B4GALT6: variants seen among roughly 807,000 people sequenced by gnomAD.
B4GALT6 encodes UDP-Gal:beta-GlcNAc beta-1,4-galactosyltransferase 6.
B4GALT6 carries 14 observed loss-of-function variants against 46.3 expected under a neutral mutation model. The observed-to-expected ratio is 0.30, with a 90% CI of 0.20 to 0.47. B4GALT6 has a LOEUF of 0.47. Ranked by LOEUF, B4GALT6 falls within the 20% of genes least tolerant of loss-of-function variation. B4GALT6 has a pLI of 0.99. For missense variants in B4GALT6, 386 were observed against 480.1 expected (o/e 0.80, Z 1.83); for synonymous variants, 168 against 162.0 (o/e 1.04, Z -0.28).
intron 1 of B4GALT6, among the ~76,000 whole-genome samples, chr18:31,673,999 C>T (rs1240403410): frequency 6.6e-6 from 1 of 152,026 alleles, no homozygotes; most frequent in Admixed American, 6.6e-5. Flanking sequence ...CCACCAGGCA[C>T]CTGAAGCTGG....
At chr18:31,701,146 A>T in the B4GALT6 span, among the ~76,000 whole-genome samples, 1 of 152,190 alleles carries the variant, frequency 6.6e-6, no homozygotes, top group Non-Finnish European at 1.5e-5. Context: ...TTGGAGGTGG[A>T]GCCTAGTGAG....
rs776163448 is a variant in B4GALT6, at chr18:31,684,472, C to T, written c.-46G>A. 1 of 1,597,446 alleles carries T rather than the reference C, an allele frequency of 6.3e-7. No homozygotes were observed. The highest frequency in any genetic ancestry group is 1.7e-4 in the Middle Eastern group (1 of 5,722). ...GCCCAGGCTGCGCTCTCAGGCCGGA[C>T]TCGGGGCCACTGTCCAGGCCCTAAA... is the stretch of plus-strand genomic sequence containing the variant. On this transcript the variant is annotated 5_prime_UTR_variant, in exon 1 of 9. Transcript: ENST00000306851.
rs934296054 is a variant in B4GALT6 at position 31,624,399 on chromosome 18, A to G, written c.*1215T>C. 1.3e-4 allele frequency: 20 copies of G among 152,030 alleles called. No homozygotes were observed. Among genetic ancestry groups the G allele is most frequent in the Admixed American group, 1.3e-3 (20 of 15,266 alleles). 9.4% of individuals were successfully genotyped at this position (152,030 alleles called of 1,614,324 possible). ...AAAATTTTAGTAATTAACACCAGAG[A>G]TATAATCTCTTAAAAGTGAAAAAAA... On this transcript the variant is annotated 3_prime_UTR_variant, in exon 9 of 9. Coordinates refer to ENST00000306851, the MANE Select transcript of B4GALT6 (RefSeq NM_004775.5).
the B4GALT6 span, among the ~76,000 whole-genome samples, chr18:31,715,061 C>A: frequency 6.6e-6 from 1 of 152,118 alleles, no homozygotes; most frequent in Admixed American, 6.6e-5. Flanking sequence ...AAATTTTACA[C>A]CTATGGCCCT....
At chr18:31,640,812 G>A (rs1197201755) in intron 4 of B4GALT6, among the ~76,000 whole-genome samples, 1 of 152,252 alleles carries the variant, frequency 6.6e-6, no homozygotes, top group East Asian at 1.9e-4. Context: ...CTGGGCTTCA[G>A]CGCCAATGGC....
At chr18:31,701,603 A>G in the B4GALT6 span, among the ~76,000 whole-genome samples, 1 of 152,220 alleles carries the variant, frequency 6.6e-6, no homozygotes, top group Non-Finnish European at 1.5e-5. Context: ...TTAATTTCTT[A>G]TACCAAAAAT....
At chr18:31,703,924 A>G in the B4GALT6 span, among the ~76,000 whole-genome samples, 4,918 of 152,284 alleles carry the variant, frequency 0.032, 106 homozygotes, top group East Asian at 0.098. Flanking sequence ...GTTAATAGTC[A>G]GTGCTTTATG....
At chr18:31,717,030 G>A in the B4GALT6 span, among the ~76,000 whole-genome samples, 1 of 151,996 alleles carries the variant, frequency 6.6e-6, no homozygotes, top group African/African-American at 2.4e-5. Flanking sequence ...ATCTGGGGGT[G>A]GGGCGGAGGT....
At position 31,678,659 on chromosome 18, in the gene B4GALT6, G is replaced by A. The variant is rs79993516; in HGVS notation, c.115+5653C>T. Among the ~76,000 whole-genome samples the A allele has an allele frequency of 5.1e-3, 773 of 152,314 alleles. 5 individuals are homozygous for A. The highest frequency in any genetic ancestry group is 0.018 in the African/African-American group (743 of 41,552). On this transcript the variant is annotated intron_variant, in intron 1 of 8. Transcript: ENST00000306851. Reference sequence around the variant, plus strand: ...TTTCACAGACAAGGCTAGCCCTACTGGCAAGGGGTCAGGGGTGTGGCAGGG... The same window carrying A: ...TTTCACAGACAAGGCTAGCCCTACTAGCAAGGGGTCAGGGGTGTGGCAGGG...
intron 1 of B4GALT6, among the ~76,000 whole-genome samples, chr18:31,682,599 C>T (rs915312432): frequency 6.6e-6 from 1 of 151,944 alleles, no homozygotes; most frequent in Non-Finnish European, 1.5e-5. Flanking sequence ...AATATACTGA[C>T]GCACTAACTT....
the B4GALT6 span, among the ~76,000 whole-genome samples, chr18:31,719,600 A>T: frequency 6.6e-6 from 1 of 152,200 alleles, no homozygotes. Flanking sequence ...AGAAAGAGTA[A>T]TTCATGCAGA....
chr18:31,714,152 T>G, the B4GALT6 span, among the ~76,000 whole-genome samples: 1 of 152,206 alleles, frequency 6.6e-6, no homozygotes, highest in African/African-American at 2.4e-5. Flanking sequence ...GTAAATAAAA[T>G]TAAAAATTCA....
intron 4 of B4GALT6, among the ~76,000 whole-genome samples, chr18:31,642,846 G>A (rs576953069): frequency 2.6e-5 from 4 of 152,102 alleles, no homozygotes; most frequent in Non-Finnish European, 4.4e-5. Flanking sequence ...CACCACGCCC[G>A]GCTAATTTTT....
At chr18:31,694,724 TC>T in the B4GALT6 span, among the ~76,000 whole-genome samples, 1 of 152,194 alleles carries the variant, frequency 6.6e-6, no homozygotes, top group Non-Finnish European at 1.5e-5. Context: ...ATAGAAATGT[TC>T]CCTGTTTTTG....
chr18:31,683,801 G>A (rs2074509014), intron 1 of B4GALT6, among the ~76,000 whole-genome samples: 1 of 151,928 alleles, frequency 6.6e-6, no homozygotes, highest in African/African-American at 2.4e-5. Flanking sequence ...CCCAAGTATG[G>A]CACAAAAAGA....
At chr18:31,703,718 T>C in the B4GALT6 span, among the ~76,000 whole-genome samples, 1 of 152,198 alleles carries the variant, frequency 6.6e-6, no homozygotes, top group Non-Finnish European at 1.5e-5. Context: ...TGAGCATGTC[T>C]GGGGAGCTGT....
the B4GALT6 span, among the ~76,000 whole-genome samples, chr18:31,704,432 G>C: frequency 1.3e-5 from 2 of 151,970 alleles, no homozygotes; most frequent in Non-Finnish European, 1.5e-5. Context: ...TCGAATTCCT[G>C]ACCTCAGGTG....
chr18:31,626,204 G>T (rs1598859549), intron 8 of B4GALT6, 79 bp downstream of exon 8: 1 of 772,526 alleles, frequency 1.3e-6, no homozygotes. Context: ...CTTTTTTGGG[G>T]TTCAATGCAT....
At chr18:31,628,438 T>C (rs894631914) in intron 6 of B4GALT6, among the ~76,000 whole-genome samples, 1 of 152,166 alleles carries the variant, frequency 6.6e-6, no homozygotes, top group Non-Finnish European at 1.5e-5. Flanking sequence ...CATGTATAAA[T>C]CAGCAAGCCT....
Sources: allele counts gnomAD v4.1 joint callset (sites outside exome capture counted in the v4.1 genomes callset), GRCh38; gene constraint gnomAD v4.1.1; transcripts MANE v1.5; gene names NCBI Gene and HGNC (gene_info 2026-07-23, HGNC 2026-07-21).